The following ABTB2 variants were observed in gnomAD, a reference collection of about 807,000 sequenced individuals.
ABTB2 encodes ankyrin repeat and BTB/POZ domain-containing protein 2.
In ABTB2, 56 loss-of-function variants were observed where a neutral mutation model predicts 104.1. That is an observed-to-expected ratio of 0.54 (90% CI 0.43 to 0.67). The LOEUF is 0.67. ABTB2 is among the 30% of genes least tolerant of loss of function. ABTB2 has a pLI of 0.00. For missense variants in ABTB2, 1,279 were observed against 1,407.7 expected (o/e 0.91, Z 1.46); for synonymous variants, 606 against 608.2 (o/e 1.00, Z 0.05).
At chr11:34,349,632 A>C (rs1204807061) in intron 1 of ABTB2, among the ~76,000 whole-genome samples, 1 of 152,226 alleles carries the variant, frequency 6.6e-6, no homozygotes, top group Admixed American at 6.5e-5. Flanking sequence ...TGAAATTCTC[A>C]CAACCATCCT....
chr11:34,167,396 C>T, intron 6 of ABTB2, 36 bp from the exon 7 acceptor site: 2 of 1,570,896 alleles, frequency 1.3e-6, no homozygotes, highest in Non-Finnish European at 1.7e-6. Flanking sequence ...GTTTTCTGGG[C>T]ACCCGAGCGA....
chr11:34,166,981 CGAG>C (rs1232081854), intron 7 of ABTB2, among the ~76,000 whole-genome samples: 1 of 151,960 alleles, frequency 6.6e-6, no homozygotes, highest in Non-Finnish European at 1.5e-5. Flanking sequence ...GTGCCCGACA[CGAG>C]AGAGAGAGAG....
rs544830750 is a variant in ABTB2, at chr11:34,278,001, C to T, written c.884-73311G>A. ...TGTATTTTTAGTAGAGACAGGGTTT[C>T]GCTGTGTTGGCCAGGCTGGTCTCAA... On this transcript the variant is annotated intron_variant, in intron 1 of 16. Transcript: ENST00000435224. Among the ~76,000 whole-genome samples the T allele has an allele frequency of 2.0e-3, 300 of 151,386 alleles. 3 individuals are homozygous for T. The highest frequency in any genetic ancestry group is 1.1e-3 in the Non-Finnish European group (75 of 67,836).
chr11:34,356,806 C>T lies in ABTB2; in HGVS notation c.778G>A (p.Gly260Arg). 1 of 1,607,786 alleles carries T rather than the reference C, an allele frequency of 6.2e-7. No individual in the cohort carries two copies. Among genetic ancestry groups the T allele is most frequent in the South Asian group, 1.1e-5 (1 of 89,798 alleles). ...HSPDGGGAGGGEVSAEALEMV... is the reference protein window; with the variant it reads ...HSPDGGGAGGREVSAEALEMV... ...TCCAGGGCCTCAGCAGACACCTCCC[C>T]GCCTCCGGCCCCTCCGCCATCAGGG... The change falls in exon 1 of 17, where the codon GGG becomes AGG. Residue 260 changes from glycine to arginine, a missense_variant. Transcript: ENST00000435224. The surrounding 1 kb of genome is among the most constrained non-coding windows in gnomAD (Gnocchi z 4.6).
At chr11:34,168,115 G>A in intron 5 of ABTB2, 123 bp from the exon 6 acceptor site, 1 of 972,914 alleles carries the variant, frequency 1.0e-6, no homozygotes, top group Non-Finnish European at 1.6e-6. Flanking sequence ...GCATCCTGTG[G>A]TCCCCCAGGC....
intron 1 of ABTB2, among the ~76,000 whole-genome samples, chr11:34,345,155 A>AATT (rs1855314793): frequency 6.6e-6 from 1 of 152,208 alleles, no homozygotes; most frequent in Non-Finnish European, 1.5e-5. Context: ...AAAGCCAATG[A>AATT]ATTATTACCC....
Position 34,151,002 on chromosome 11 carries a change from G to A in ABTB2, c.*1385C>T, listed in dbSNP as rs1590198234. On this transcript the variant is annotated 3_prime_UTR_variant, in exon 17 of 17. Transcript: ENST00000435224. The stretch of plus-strand genomic sequence containing the variant: ...GAGGCCAAGGTCATTGTTAATGAGT[G>A]TTTATTGTTAATAAAACCATAGTAC... 1 of 152,868 alleles carries A rather than the reference G, an allele frequency of 6.5e-6. No individual in the cohort carries two copies. The highest frequency in any genetic ancestry group is 2.4e-5 in the African/African-American group (1 of 41,446). 9.5% of individuals were successfully genotyped at this position (152,868 alleles called of 1,614,324 possible). A position where few individuals can be genotyped will look rare whatever the true frequency, so the allele number is the denominator to read the frequency against.
intron 1 of ABTB2, among the ~76,000 whole-genome samples, chr11:34,319,113 C>T (rs1176096232): frequency 2.6e-5 from 4 of 152,306 alleles, no homozygotes; most frequent in East Asian, 1.9e-4. Flanking sequence ...ATAGGAACAG[C>T]GCTGGAGTAG....
chr11:34,322,852 A>G (rs1590256001), intron 1 of ABTB2, among the ~76,000 whole-genome samples: 2 of 151,970 alleles, frequency 1.3e-5, no homozygotes, highest in African/African-American at 4.8e-5. Context: ...TAATTTTTGT[A>G]TTTTTTTGTA....
chr11:34,243,309 G>A (rs1853944714), intron 1 of ABTB2, among the ~76,000 whole-genome samples: 1 of 152,116 alleles, frequency 6.6e-6, no homozygotes, highest in Non-Finnish European at 1.5e-5. Context: ...GTCTCGCTCT[G>A]TCGCCCAGCC....
rs139883438 is a variant in ABTB2, at chr11:34,329,038, C to A, written c.883+27663G>T. Among the ~76,000 whole-genome samples the A allele has an allele frequency of 2.1e-3, 317 of 152,278 alleles. 2 individuals are homozygous for A. Among genetic ancestry groups the A allele is most frequent in the African/African-American group, 7.0e-3 (293 of 41,562 alleles). ...AAATTCATCTGGCACAATTTAAGAT[C>A]CCATTAAGACAGAAATAAACCCAGC... On this transcript the variant is annotated intron_variant, in intron 1 of 16. Coordinates refer to ENST00000435224, the MANE Select transcript of ABTB2 (RefSeq NM_145804.3).
At chr11:34,340,248 G>A (rs1564936403) in intron 1 of ABTB2, among the ~76,000 whole-genome samples, 1 of 152,180 alleles carries the variant, frequency 6.6e-6, no homozygotes, top group South Asian at 2.1e-4. Flanking sequence ...CGAACAATAC[G>A]TGAAAAAATA....
At chr11:34,171,175 T>C in intron 4 of ABTB2, 104 bp from the exon 5 acceptor site, 2 of 1,127,894 alleles carry the variant, frequency 1.8e-6, no homozygotes, top group Non-Finnish European at 2.5e-6. Context: ...AGGATGAGGA[T>C]GGGTGGGAAG....
At chr11:34,215,521 G>C (rs773077028) in intron 1 of ABTB2, among the ~76,000 whole-genome samples, 1 of 152,118 alleles carries the variant, frequency 6.6e-6, no homozygotes, top group Non-Finnish European at 1.5e-5. Context: ...AATCAGCTTC[G>C]GTTCCAATTC....
intron 14 of ABTB2, 34 bp downstream of exon 14, chr11:34,159,262 C>T: frequency 2.6e-6 from 4 of 1,566,396 alleles, no homozygotes; most frequent in Non-Finnish European, 2.6e-6. Flanking sequence ...AGGGTCATCC[C>T]TCTGAGAAGA....
intron 1 of ABTB2, among the ~76,000 whole-genome samples, chr11:34,257,517 G>A (rs1184700778): frequency 6.6e-6 from 1 of 152,216 alleles, no homozygotes; most frequent in East Asian, 1.9e-4. Flanking sequence ...CTCTGTATCT[G>A]TGCTGTCCAA....
At chr11:34,243,672 TGAAGA>T (rs1250856809) in intron 1 of ABTB2, among the ~76,000 whole-genome samples, 1 of 152,236 alleles carries the variant, frequency 6.6e-6, no homozygotes, top group African/African-American at 2.4e-5. Context: ...TTAACTTTCT[TGAAGA>T]GTCAATGAGA....
intron 1 of ABTB2, among the ~76,000 whole-genome samples, chr11:34,286,717 A>G (rs1854510707): frequency 6.6e-6 from 1 of 152,042 alleles, no homozygotes; most frequent in Non-Finnish European, 1.5e-5. Flanking sequence ...CACCATTTTC[A>G]TGCTGTTTCT....
At chr11:34,231,633 C>T (rs1172481879) in intron 1 of ABTB2, among the ~76,000 whole-genome samples, 1 of 152,132 alleles carries the variant, frequency 6.6e-6, no homozygotes, top group Non-Finnish European at 1.5e-5. Flanking sequence ...TGCAATGGCG[C>T]AATCTCAGTT....
Sources: gnomAD v4.1 joint callset for allele counts (sites outside exome capture counted in the v4.1 genomes callset) on GRCh38, gnomAD v4.1.1 for gene constraint, Gnocchi (gnomAD v3.1) non-coding constraint, MANE v1.5 for transcripts, NCBI Gene and HGNC (gene_info 2026-07-23, HGNC 2026-07-21) for gene names.